Variants in DYNC1I1 observed in about 807,000 individuals in gnomAD.
DYNC1I1 encodes cytoplasmic dynein 1 intermediate chain 1.
DYNC1I1 carries 43 observed loss-of-function variants against 86.6 expected under a neutral mutation model. The ratio of observed to expected loss-of-function variants is 0.50; its 90% CI spans 0.39 to 0.64. DYNC1I1 has a LOEUF of 0.64. Ranked by LOEUF, DYNC1I1 falls within the 30% of genes least tolerant of loss-of-function variation. The probability of loss-of-function intolerance (pLI) is 0.00; values close to 1 mark genes in which losing one functional copy is unlikely to be tolerated. For missense variants in DYNC1I1, 604 were observed against 788.8 expected (o/e 0.77, Z 2.81); for synonymous variants, 262 against 283.7 (o/e 0.92, Z 0.77).
chr7:95,818,386 C>T (rs972902849), intron 4 of DYNC1I1: 1 of 494,986 alleles, frequency 2.0e-6, no homozygotes, highest in Non-Finnish European at 3.6e-6. Context: ...AATGAAGCCT[C>T]GAATTCCCGG....
At chr7:95,841,896 C>T (rs1789293056) in intron 5 of DYNC1I1, among the ~76,000 whole-genome samples, 1 of 152,174 alleles carries the variant, frequency 6.6e-6, no homozygotes, top group African/African-American at 2.4e-5. Flanking sequence ...TGGGGAGAAG[C>T]ATGGGAAATG....
At chr7:96,005,076 T>A (rs1370700543) in intron 10 of DYNC1I1, among the ~76,000 whole-genome samples, 1 of 152,210 alleles carries the variant, frequency 6.6e-6, no homozygotes, top group Non-Finnish European at 1.5e-5. Context: ...GTAAAAACTT[T>A]CTTCTCTGCA....
chr7:95,845,852 A>G (rs1789410989), intron 5 of DYNC1I1, among the ~76,000 whole-genome samples: 1 of 152,170 alleles, frequency 6.6e-6, no homozygotes, highest in Admixed American at 6.5e-5. Flanking sequence ...TTTGTCCCCA[A>G]ACATTTCTTG....
intron 14 of DYNC1I1, among the ~76,000 whole-genome samples, chr7:96,040,187 T>C (rs756393058): frequency 6.6e-6 from 1 of 152,020 alleles, no homozygotes; most frequent in East Asian, 1.9e-4. Flanking sequence ...TGAGCCGAGA[T>C]TGGGCCACTG....
rs140827944 is a variant in DYNC1I1 at position 95,852,477 on chromosome 7, T to C, written c.375-17406T>C. Among the ~76,000 whole-genome samples the C allele has an allele frequency of 4.8e-3, 726 of 152,166 alleles. 8 individuals are homozygous for C. Among genetic ancestry groups the C allele is most frequent in the Middle Eastern group, 0.017 (5 of 294 alleles). Reference sequence around the variant, plus strand: ...CTTCATCAATCTTTTGTACTGTTTTTCTAGTCTTTATTTTTCTTCTCTAAT... The same window carrying C: ...CTTCATCAATCTTTTGTACTGTTTTCCTAGTCTTTATTTTTCTTCTCTAAT... On this transcript the variant is annotated intron_variant, in intron 5 of 16. Transcript: ENST00000447467.
chr7:95,999,220 G>A (rs1011643354), intron 10 of DYNC1I1, among the ~76,000 whole-genome samples: 4 of 152,144 alleles, frequency 2.6e-5, no homozygotes, highest in African/African-American at 9.7e-5. Flanking sequence ...CCCTGGTGTG[G>A]TCTTTCTCTT....
chr7:96,045,538 C>T (rs974272276), intron 14 of DYNC1I1, among the ~76,000 whole-genome samples: 1 of 152,110 alleles, frequency 6.6e-6, no homozygotes, highest in African/African-American at 2.4e-5. Context: ...AGAAATAGGA[C>T]TTTTTACTGG....
At chr7:95,830,053 T>C (rs1035375108) in intron 5 of DYNC1I1, among the ~76,000 whole-genome samples, 1 of 152,098 alleles carries the variant, frequency 6.6e-6, no homozygotes, top group Non-Finnish European at 1.5e-5. Flanking sequence ...TTTTGAGAGA[T>C]GACATTATTT....
intron 4 of DYNC1I1, among the ~76,000 whole-genome samples, chr7:95,824,555 TA>T (rs1206257303): frequency 6.6e-6 from 1 of 152,146 alleles, no homozygotes; most frequent in Non-Finnish European, 1.5e-5. Context: ...AATTACTTGG[TA>T]AAATGGCTGG....
At chr7:95,954,513 T>A (rs970640502) in intron 6 of DYNC1I1, among the ~76,000 whole-genome samples, 1 of 152,028 alleles carries the variant, frequency 6.6e-6, no homozygotes, top group Non-Finnish European at 1.5e-5. Context: ...ACTTTTACAA[T>A]GATCAGGCAT....
At position 96,043,180 on chromosome 7, in the gene DYNC1I1, A is replaced by G. The variant is rs867520208; in HGVS notation, c.1509+3759A>G. 2.3e-3 allele frequency among the ~76,000 whole-genome samples: 354 copies of G among 151,642 alleles called. 1 individual carries two copies. Among genetic ancestry groups the G allele is most frequent in the African/African-American group, 7.2e-3 (296 of 41,370 alleles). On this transcript the variant is annotated intron_variant, in intron 14 of 16. Transcript: ENST00000447467. ...GAGACTCCATCTCAAAAAAAAAAAA[A>G]AAAGAAAGAAAGAAAGAAAGAAATG... is the stretch of plus-strand genomic sequence containing the variant.
At chr7:96,060,826 G>T (rs954465275) in intron 14 of DYNC1I1, among the ~76,000 whole-genome samples, 1 of 151,970 alleles carries the variant, frequency 6.6e-6, no homozygotes, top group Non-Finnish European at 1.5e-5. Context: ...AAAAACCCTT[G>T]CTCTACATGC....
At chr7:95,942,344 G>C in intron 6 of DYNC1I1, among the ~76,000 whole-genome samples, 1 of 152,150 alleles carries the variant, frequency 6.6e-6, no homozygotes, top group East Asian at 1.9e-4. Flanking sequence ...TCTCTGAATA[G>C]ACCAATAGCA....
chr7:96,009,800 C>T (rs973970668), intron 10 of DYNC1I1, among the ~76,000 whole-genome samples: 2 of 150,652 alleles, frequency 1.3e-5, no homozygotes, highest in African/African-American at 2.4e-5. Context: ...TTTTTTAAGA[C>T]GGAGTTTGAC....
rs555238993 is a variant in DYNC1I1 at position 95,894,283 on chromosome 7, T to G, written c.490+24285T>G. Among the ~76,000 whole-genome samples the G allele has an allele frequency of 3.3e-5, 5 of 152,134 alleles. No individual in the cohort carries two copies. In the East Asian group the frequency reaches 5.8e-4, roughly 18 times the overall value. ...TCAAGATTCCAGGAGACTTGGCACC[T>G]GGTGAAGCCTGGCTTTCTGGTTTAT... On this transcript the variant is annotated intron_variant, in intron 6 of 16. Transcript: ENST00000447467.
Position 95,936,506 on chromosome 7 carries a change from G to A in DYNC1I1, c.491-41006G>A, listed in dbSNP as rs145054610. ...GTATCTGGTTTTTAGGTGAAACAAG[G>A]TGTGTTTAAAAAGCATATACTGGAA... On this transcript the variant is annotated intron_variant, in intron 6 of 16. Transcript: ENST00000447467. Among the ~76,000 whole-genome samples, 431 of 151,902 alleles carry A rather than the reference G, an allele frequency of 2.8e-3. 5 individuals are homozygous for A. The highest frequency in any genetic ancestry group is 9.0e-3 in the African/African-American group (375 of 41,492).
At chr7:95,912,874 A>G (rs1037949211) in intron 6 of DYNC1I1, among the ~76,000 whole-genome samples, 3 of 152,154 alleles carry the variant, frequency 2.0e-5, no homozygotes, top group Admixed American at 2.0e-4. Flanking sequence ...ACCAAGATGG[A>G]CTTCCTGTAT....
At chr7:95,793,606 T>A (rs924256417) in intron 1 of DYNC1I1, among the ~76,000 whole-genome samples, 10 of 152,188 alleles carry the variant, frequency 6.6e-5, no homozygotes, top group East Asian at 5.8e-4. Flanking sequence ...GTATTATCTA[T>A]GGCTAGCAGA....
downstream of DYNC1I1, among the ~76,000 whole-genome samples, chr7:96,101,407 G>A (rs958401971): frequency 1.3e-5 from 2 of 152,172 alleles, no homozygotes; most frequent in East Asian, 1.9e-4. Flanking sequence ...TTGCTAGGAG[G>A]TTGCTAGGAG....
Sources: gnomAD v4.1 joint callset for allele counts (sites outside exome capture counted in the v4.1 genomes callset) on GRCh38, gnomAD v4.1.1 for gene constraint, MANE v1.5 for transcripts, NCBI Gene and HGNC (gene_info 2026-07-23, HGNC 2026-07-21) for gene names.